The following NR6A1 variants were observed in gnomAD, a reference collection of about 807,000 sequenced individuals.
NR6A1 encodes retinoic acid receptor-related testis-associated receptor.
A neutral mutation model predicts 59.1 loss-of-function variants in NR6A1; 7 were observed. That is an observed-to-expected ratio of 0.12 (90% CI 0.07 to 0.22). The LOEUF is 0.22. NR6A1 is among the 10% of genes least tolerant of loss of function. NR6A1 has a pLI of 1.00. For missense variants in NR6A1, 468 were observed against 611.6 expected, an observed-to-expected ratio of 0.77 and a Z score of 2.48; for synonymous variants, 243 against 236.1, an observed-to-expected ratio of 1.03 and a Z score of -0.27.
At chr9:124,545,061 G>A (rs1302131979) in intron 3 of NR6A1, among the ~76,000 whole-genome samples, 1 of 152,122 alleles carries the variant, frequency 6.6e-6, no homozygotes, top group Non-Finnish European at 1.5e-5. Flanking sequence ...GCCTCAAAAG[G>A]TGGGAGCTCC....
intron 2 of NR6A1, among the ~76,000 whole-genome samples, chr9:124,683,515 C>G (rs1838236626): frequency 6.6e-6 from 1 of 152,310 alleles, no homozygotes; most frequent in East Asian, 1.9e-4. Flanking sequence ...CAATTGCTGC[C>G]GGGTGTGGTG....
intron 2 of NR6A1, among the ~76,000 whole-genome samples, chr9:124,622,087 G>A (rs1836093567): frequency 6.6e-6 from 1 of 152,188 alleles, no homozygotes; most frequent in Non-Finnish European, 1.5e-5. Context: ...ATGGTGGCAT[G>A]CAGCTGTGGT....
chr9:124,532,774 C>T (rs1398974839), intron 7 of NR6A1, among the ~76,000 whole-genome samples: 2 of 152,202 alleles, frequency 1.3e-5, no homozygotes, highest in African/African-American at 4.8e-5. Context: ...TTTATTTGTA[C>T]TAGTAGCCAC....
chr9:124,631,656 AT>A (rs913565358), intron 2 of NR6A1, among the ~76,000 whole-genome samples: 64 of 150,164 alleles, frequency 4.3e-4, no homozygotes, highest in African/African-American at 1.4e-3. Flanking sequence ...AGCTACCTGC[AT>A]TTTTTTTTTA....
intron 3 of NR6A1, among the ~76,000 whole-genome samples, chr9:124,546,973 T>C (rs1381863998): frequency 6.6e-6 from 1 of 152,266 alleles, no homozygotes; most frequent in Non-Finnish European, 1.5e-5. Context: ...CATTTAGATC[T>C]TCTGATTCTA....
At chr9:124,728,670 A>AAAT (rs1454816666) in intron 2 of NR6A1, among the ~76,000 whole-genome samples, 1 of 151,578 alleles carries the variant, frequency 6.6e-6, no homozygotes, top group Non-Finnish European at 1.5e-5. Context: ...ATAAATAAAT[A>AAAT]AAGTACTTGC....
At position 124,538,115 on chromosome 9, in the gene NR6A1, G is replaced by A. The variant is rs1171960668; in HGVS notation, c.801C>T (p.Gly267=). 2 of 1,612,412 alleles carry A rather than the reference G, an allele frequency of 1.2e-6. No individual in the cohort carries two copies. Among genetic ancestry groups the A allele is most frequent in the East Asian group, 2.2e-5 (1 of 44,884 alleles). The part of the protein sequence containing the change: ...LLSAEDLEPL[G]TPMLIEDGYA... ...ACCCATCTTCAATCAACATGGGCGTGCCCAATGGTTCCAGGTCCTCGGCTG... is the reference window on the plus strand; with the variant it reads ...ACCCATCTTCAATCAACATGGGCGTACCCAATGGTTCCAGGTCCTCGGCTG... Residue 267 remains glycine, a synonymous_variant, in exon 6 of 10, where the codon GGC becomes GGT. Transcript: ENST00000487099.
chr9:124,695,607 T>C (rs960302548), intron 2 of NR6A1, among the ~76,000 whole-genome samples: 1 of 152,032 alleles, frequency 6.6e-6, no homozygotes. Flanking sequence ...TGACCTCAAG[T>C]GATCCGCCCG....
chr9:124,755,168 A>C (rs974567449), intron 1 of NR6A1, among the ~76,000 whole-genome samples: 1 of 3,422 alleles, frequency 2.9e-4, no homozygotes, highest in Non-Finnish European at 5.9e-4. Flanking sequence ...GTTGAGTCAC[A>C]TTACCGTGGA....
intron 2 of NR6A1, among the ~76,000 whole-genome samples, chr9:124,587,734 A>T (rs1299007426): frequency 6.6e-6 from 1 of 152,226 alleles, no homozygotes; most frequent in Non-Finnish European, 1.5e-5. Context: ...TGGAGTCTGC[A>T]TTCATCACTA....
chr9:124,527,513 G>A (rs1489034442), intron 7 of NR6A1, among the ~76,000 whole-genome samples: 1 of 152,200 alleles, frequency 6.6e-6, no homozygotes, highest in Non-Finnish European at 1.5e-5. Context: ...CCTCTGTGCT[G>A]GGCACTTTGT....
intron 1 of NR6A1, among the ~76,000 whole-genome samples, chr9:124,747,048 G>T (rs1025137258): frequency 1.3e-5 from 2 of 152,080 alleles, no homozygotes; most frequent in African/African-American, 2.4e-5. Context: ...TAGTAAGGGA[G>T]GAAAGAAAGA....
At chr9:124,714,959 G>A (rs140132126) in intron 2 of NR6A1, among the ~76,000 whole-genome samples, 5,539 of 152,028 alleles carry the variant, frequency 0.036, 321 homozygotes, top group African/African-American at 0.13. Context: ...CAGCACTTTC[G>A]GAGGCCGAGG....
intron 2 of NR6A1, among the ~76,000 whole-genome samples, chr9:124,622,778 T>C (rs554252076): frequency 3.9e-4 from 59 of 151,894 alleles, no homozygotes; most frequent in African/African-American, 1.3e-3. Flanking sequence ...GAGTAGGAAA[T>C]TGAGCTCAAT....
At chr9:124,524,180 C>T (rs988561815) in intron 9 of NR6A1, among the ~76,000 whole-genome samples, 1 of 152,044 alleles carries the variant, frequency 6.6e-6, no homozygotes, top group Non-Finnish European at 1.5e-5. Flanking sequence ...CTGGTCTTAA[C>T]TCCTAGCCTC....
chr9:124,753,266 T>C (rs1235590422), intron 1 of NR6A1, among the ~76,000 whole-genome samples: 2 of 152,192 alleles, frequency 1.3e-5, no homozygotes, highest in African/African-American at 4.8e-5. Flanking sequence ...ATCAAAGGCC[T>C]GGTCAGAGAC....
At chr9:124,614,596 C>G (rs76488943) in intron 2 of NR6A1, among the ~76,000 whole-genome samples, 1,835 of 152,258 alleles carry the variant, frequency 0.012, 32 homozygotes, top group African/African-American at 0.04. Flanking sequence ...AGAGAGGCAA[C>G]TCCAACGGGT....
chr9:124,622,867 G>A (rs984182437), intron 2 of NR6A1, among the ~76,000 whole-genome samples: 2 of 151,868 alleles, frequency 1.3e-5, no homozygotes, highest in African/African-American at 4.8e-5. Context: ...ATGTCTGAAC[G>A]GGTTCAATTT....
At chr9:124,584,393 C>G (rs185234305) in intron 2 of NR6A1, among the ~76,000 whole-genome samples, 19 of 152,022 alleles carry the variant, frequency 1.2e-4, no homozygotes, top group Non-Finnish European at 5.9e-5. Context: ...TGTGAGCCAC[C>G]GCGCCCAGCC....
Sources: gnomAD v4.1 joint callset for allele counts (sites outside exome capture counted in the v4.1 genomes callset) on GRCh38, gnomAD v4.1.1 for gene constraint, MANE v1.5 for transcripts, NCBI Gene and HGNC (gene_info 2026-07-23, HGNC 2026-07-21) for gene names.